Variants in SIPA1L2 observed in about 807,000 individuals in gnomAD.
SIPA1L2 encodes signal-induced proliferation-associated 1-like protein 2.
Under a neutral mutation model 163.9 loss-of-function variants are expected in SIPA1L2, and 56 were observed. The observed-to-expected ratio is 0.34, with a 90% CI of 0.28 to 0.43. The LOEUF is 0.43. SIPA1L2 is among the 20% of genes least tolerant of loss of function. The pLI is 1.00. For synonymous variants in SIPA1L2, 877 were observed against 865.7 expected, an observed-to-expected ratio of 1.01 and a Z score of -0.23; for missense variants, 1,974 against 2,193.5, an observed-to-expected ratio of 0.90 and a Z score of 2.00.
rs112367688 is a variant in SIPA1L2, at chr1:232,555,062, A to C, written c.-270+19112T>G. Among the ~76,000 whole-genome samples, 278 of 152,360 alleles carry C rather than the reference A, an allele frequency of 1.8e-3. 3 individuals carry two copies. The highest frequency in any genetic ancestry group is 6.3e-3 in the African/African-American group (262 of 41,580). On this transcript the variant is annotated intron_variant, in intron 2 of 22. Coordinates refer to ENST00000674635, the MANE Select transcript of SIPA1L2 (RefSeq NM_020808.5). ...CAATTTTGGCAGATGCTTTTACTTT[A>C]AAATCAGTTACAATACAAACATGTG...
At chr1:232,541,137 C>A (rs1372273954) in intron 2 of SIPA1L2, among the ~76,000 whole-genome samples, 5 of 152,098 alleles carry the variant, frequency 3.3e-5, no homozygotes, top group Non-Finnish European at 7.3e-5. Flanking sequence ...ACGGCTAATG[C>A]ACACCGGGCT....
intron 3 of SIPA1L2, among the ~76,000 whole-genome samples, chr1:232,499,360 C>T (rs967101311): frequency 6.6e-6 from 1 of 152,170 alleles, no homozygotes; most frequent in African/African-American, 2.4e-5. Flanking sequence ...TCAGAGAACA[C>T]ACGATTAAGA....
chr1:232,580,193 T>A (rs1405397772), intron 1 of SIPA1L2, among the ~76,000 whole-genome samples: 4 of 152,194 alleles, frequency 2.6e-5, no homozygotes, highest in African/African-American at 9.7e-5. Context: ...AACTTCCTGG[T>A]GTTGCCATGG....
intron 3 of SIPA1L2, among the ~76,000 whole-genome samples, chr1:232,500,617 A>C (rs1666418824): frequency 1.3e-5 from 2 of 152,232 alleles, no homozygotes; most frequent in African/African-American, 4.8e-5. Flanking sequence ...GAATTGCTAT[A>C]ATCTCATGAT....
At chr1:232,630,332 C>A (rs574622415), upstream of SIPA1L2, among the ~76,000 whole-genome samples, 1 of 151,862 alleles carries the variant, frequency 6.6e-6, no homozygotes, top group Non-Finnish European at 1.5e-5. Flanking sequence ...CGCGCGGGAG[C>A]TGCGCGTCCA....
At chr1:232,420,514 G>A (rs556702943) in intron 18 of SIPA1L2, among the ~76,000 whole-genome samples, 3 of 152,046 alleles carry the variant, frequency 2.0e-5, no homozygotes, top group African/African-American at 4.8e-5. Flanking sequence ...CAAGCCTCAG[G>A]AGCCCGTACA....
At chr1:232,406,675 G>GGTCT (rs1660652552) in intron 19 of SIPA1L2, among the ~76,000 whole-genome samples, 1 of 151,962 alleles carries the variant, frequency 6.6e-6, no homozygotes, top group Non-Finnish European at 1.5e-5. Context: ...GGGGGTGAAT[G>GGTCT]GTCTGATCAA....
chr1:232,478,592 C>T (rs899620684), intron 7 of SIPA1L2, among the ~76,000 whole-genome samples: 4 of 152,108 alleles, frequency 2.6e-5, no homozygotes, highest in Admixed American at 6.5e-5. Context: ...TGAGCTATTC[C>T]TATGTAGTCC....
At chr1:232,432,559 T>C in intron 15 of SIPA1L2, 88 bp from the exon 16 acceptor site, 1 of 1,251,206 alleles carries the variant, frequency 8.0e-7, no homozygotes, top group Non-Finnish European at 1.1e-6. Flanking sequence ...AAGGCTTTAC[T>C]CAAGTCTTTC....
At chr1:232,470,198 T>C (rs1449651482) in intron 8 of SIPA1L2, among the ~76,000 whole-genome samples, 2 of 152,194 alleles carry the variant, frequency 1.3e-5, no homozygotes, top group African/African-American at 4.8e-5. Context: ...AGATACTATA[T>C]TCTTTCAAAT....
At chr1:232,457,449 AAAAATGT>A (rs1450050164) in intron 10 of SIPA1L2, among the ~76,000 whole-genome samples, 1 of 152,214 alleles carries the variant, frequency 6.6e-6, no homozygotes, top group African/African-American at 2.4e-5. Flanking sequence ...AAACTACTGT[AAAAATGT>A]ATATGTATAT....
intron 1 of SIPA1L2, among the ~76,000 whole-genome samples, chr1:232,626,230 C>CTTTTTT (rs56703620): frequency 7.5e-6 from 1 of 133,724 alleles, no homozygotes; most frequent in East Asian, 2.2e-4. Context: ...CTAATATTTG[C>CTTTTTT]TTTTTTTTTT....
In SIPA1L2 at chr1:232,457,993, T is replaced by C. The variant is rs530299934; in HGVS notation, c.3095+2894A>G. Reference sequence around the variant, plus strand: ...TTACAAATTCAGATTCCTAGAAAATTGGAAAACTGAATTGAAAGAGTTTTA... The same window carrying C: ...TTACAAATTCAGATTCCTAGAAAATCGGAAAACTGAATTGAAAGAGTTTTA... On this transcript the variant is annotated intron_variant, in intron 10 of 22. Transcript: ENST00000674635. Among the ~76,000 whole-genome samples, 13 of 152,248 alleles carry C rather than the reference T, an allele frequency of 8.5e-5. No homozygotes were observed. The South Asian group carries it at 2.7e-3, about 32-fold the overall frequency.
chr1:232,605,367 C>A (rs1251652630), intron 1 of SIPA1L2, among the ~76,000 whole-genome samples: 2 of 152,288 alleles, frequency 1.3e-5, no homozygotes, highest in East Asian at 1.9e-4. Flanking sequence ...TCACAGTGAA[C>A]AAACCATGGT....
chr1:232,516,488 C>A (rs1398997776), intron 2 of SIPA1L2, among the ~76,000 whole-genome samples: 1 of 152,162 alleles, frequency 6.6e-6, no homozygotes, highest in Non-Finnish European at 1.5e-5. Context: ...TTTCTGAAAA[C>A]CATGGGATAG....
chr1:232,474,241 T>C (rs926038743), intron 7 of SIPA1L2, among the ~76,000 whole-genome samples: 3 of 152,188 alleles, frequency 2.0e-5, no homozygotes, highest in Non-Finnish European at 4.4e-5. Context: ...AACCAACTTA[T>C]TAGTGTCTTC....
At chr1:232,435,711 T>C (rs927372852) in intron 15 of SIPA1L2, among the ~76,000 whole-genome samples, 1 of 152,194 alleles carries the variant, frequency 6.6e-6, no homozygotes, top group African/African-American at 2.4e-5. Context: ...TGAGCTCCTA[T>C]CTAAATGCCC....
chr1:232,489,368 T>G (rs1665812677), intron 5 of SIPA1L2, among the ~76,000 whole-genome samples: 1 of 152,214 alleles, frequency 6.6e-6, no homozygotes, highest in Non-Finnish European at 1.5e-5. Context: ...TCATGAACAC[T>G]TCATATATTG....
At chr1:232,625,484 GAA>G (rs1191424825) in intron 1 of SIPA1L2, among the ~76,000 whole-genome samples, 1 of 152,196 alleles carries the variant, frequency 6.6e-6, no homozygotes. Flanking sequence ...GCGCAAGATG[GAA>G]AGACGAGGTT....
Sources: gnomAD v4.1 joint callset for allele counts (sites outside exome capture counted in the v4.1 genomes callset) on GRCh38, gnomAD v4.1.1 for gene constraint, MANE v1.5 for transcripts, NCBI Gene and HGNC (gene_info 2026-07-23, HGNC 2026-07-21) for gene names.